WDPCP: variants seen among roughly 807,000 people sequenced by gnomAD.
WDPCP encodes the protein WD repeat-containing and planar cell polarity effector protein fritz homolog.
A neutral mutation model predicts 93.1 loss-of-function variants in WDPCP; 71 were observed. The observed-to-expected ratio is 0.76, with a 90% CI of 0.63 to 0.93. WDPCP has a LOEUF of 0.93. Ranked by LOEUF, WDPCP falls within the 40% of genes least tolerant of loss-of-function variation. The probability of loss-of-function intolerance (pLI) is 0.00; values close to 1 mark genes in which losing one functional copy is unlikely to be tolerated. For missense variants in WDPCP, 844 were observed against 887.4 expected (o/e 0.95, Z 0.62); for synonymous variants, 315 against 315.0 (o/e 1.00, Z 0.00).
intron 12 of WDPCP, among the ~76,000 whole-genome samples, chr2:63,326,907 C>T (rs945053492): frequency 2.0e-5 from 3 of 152,230 alleles, no homozygotes; most frequent in Admixed American, 1.3e-4. Context: ...AAGGTCTTCT[C>T]TGTAACCCTG....
At chr2:63,606,004 C>T in intron 3 of WDPCP, 1 of 1,614,010 alleles carries the variant, frequency 6.2e-7, no homozygotes, top group Non-Finnish European at 8.5e-7. Flanking sequence ...ATGATCTGCT[C>T]TACTCATTCC....
At chr2:63,315,374 T>G (rs1686555395) in intron 12 of WDPCP, among the ~76,000 whole-genome samples, 1 of 152,196 alleles carries the variant, frequency 6.6e-6, no homozygotes, top group South Asian at 2.1e-4. Flanking sequence ...AGACCCAGGT[T>G]AGTAGTGCCC....
intron 13 of WDPCP, among the ~76,000 whole-genome samples, chr2:63,260,223 G>A (rs1681513032): frequency 6.6e-6 from 1 of 152,180 alleles, no homozygotes; most frequent in African/African-American, 2.4e-5. Context: ...TGTTGGATGT[G>A]TGGGAGAAAG....
Position 63,313,835 on chromosome 2 carries a change from C to T in WDPCP, c.1749-524G>A, listed in dbSNP as rs1686372305. On this transcript the variant is annotated intron_variant, in intron 12 of 17. Coordinates refer to ENST00000272321, the MANE Select transcript of WDPCP (RefSeq NM_015910.7). Reference sequence around the variant, plus strand: ...TCCCCATTCCATTGTAACTATCTGGCAATACTAATTATTCATACATATATA... The same window carrying T: ...TCCCCATTCCATTGTAACTATCTGGTAATACTAATTATTCATACATATATA... 5.9e-5 allele frequency among the ~76,000 whole-genome samples: 5 copies of T among 84,618 alleles called. No individual in the cohort carries two copies. In the South Asian group the frequency reaches 2.3e-3, roughly 38 times the overall value. 55.5% of individuals were successfully genotyped at this position (84,618 alleles called of 152,430 possible).
At chr2:63,501,389 C>A (rs1269783240) in intron 1 of WDPCP, among the ~76,000 whole-genome samples, 1 of 152,158 alleles carries the variant, frequency 6.6e-6, no homozygotes, top group East Asian at 1.9e-4. Flanking sequence ...CATAGTCAGA[C>A]CCTGTCTCTA....
At chr2:63,575,428 G>GTGTATACACTGTATATACAGTATATATAC (rs1707923004) in intron 1 of WDPCP, among the ~76,000 whole-genome samples, 7 of 30,072 alleles carry the variant, frequency 2.3e-4, no homozygotes, top group African/African-American at 3.7e-4. Flanking sequence ...ACTGTATACA[G>GTGTATACACTGTATATACAGTATATATAC]TGTATATACA....
intron 13 of WDPCP, among the ~76,000 whole-genome samples, chr2:63,292,520 G>T (rs570900220): frequency 1.7e-4 from 26 of 152,146 alleles, no homozygotes; most frequent in Non-Finnish European, 2.9e-4. Context: ...TCAGAACTGT[G>T]AAAACTCTAG....
intron 11 of WDPCP, 58 bp downstream of exon 11, chr2:63,381,848 A>G (rs1196828798): frequency 1.1e-5 from 17 of 1,579,724 alleles, no homozygotes; most frequent in Middle Eastern, 1.8e-4. Context: ...AAATAACTCA[A>G]TAAAATCTAT....
chr2:63,362,890 G>A (rs1329361208), intron 12 of WDPCP, among the ~76,000 whole-genome samples: 14 of 152,048 alleles, frequency 9.2e-5, no homozygotes, highest in Admixed American at 4.6e-4. Context: ...CATACTTTCT[G>A]CTTCAGTTTC....
At chr2:63,818,242 A>G (rs374088697) in intron 1 of WDPCP, among the ~76,000 whole-genome samples, 1 of 152,248 alleles carries the variant, frequency 6.6e-6, no homozygotes, top group Non-Finnish European at 1.5e-5. Flanking sequence ...TCTTGCAGAC[A>G]TAATTATTAA....
chr2:63,285,348 G>C (rs1428804844), intron 13 of WDPCP, among the ~76,000 whole-genome samples: 1 of 151,744 alleles, frequency 6.6e-6, no homozygotes, highest in Non-Finnish European at 1.5e-5. Flanking sequence ...GCGGGAGAAT[G>C]GTGTGAACTC....
At chr2:63,813,216 C>T (rs1430259481) in intron 2 of WDPCP, among the ~76,000 whole-genome samples, 1 of 151,996 alleles carries the variant, frequency 6.6e-6, no homozygotes, top group African/African-American at 2.4e-5. Context: ...TGGCAATAGC[C>T]CAGGTGAGAA....
At chr2:63,339,710 C>T (rs188126895) in intron 12 of WDPCP, among the ~76,000 whole-genome samples, 1 of 152,066 alleles carries the variant, frequency 6.6e-6, no homozygotes, top group Admixed American at 6.6e-5. Flanking sequence ...TTGCTCTCAC[C>T]AGGAGTTTCC....
intron 17 of WDPCP, among the ~76,000 whole-genome samples, chr2:63,149,961 A>T (rs80001725): frequency 0.044 from 6,712 of 152,160 alleles, 220 homozygotes; most frequent in Non-Finnish European, 0.07. Context: ...TATTCATGCA[A>T]CTGCACTCCA....
intron 2 of WDPCP, among the ~76,000 whole-genome samples, chr2:63,773,980 T>C (rs1051230987): frequency 2.6e-5 from 4 of 152,052 alleles, no homozygotes; most frequent in Non-Finnish European, 1.5e-5. Context: ...TATGGAGACT[T>C]AAAAATATAG....
chr2:63,428,709 G>A (rs1029147615), intron 9 of WDPCP, among the ~76,000 whole-genome samples: 3 of 152,136 alleles, frequency 2.0e-5, no homozygotes, highest in Non-Finnish European at 4.4e-5. Context: ...GTTCAATATA[G>A]TACTGGAAGT....
intron 6 of WDPCP, among the ~76,000 whole-genome samples, chr2:63,455,059 C>A (rs938309179): frequency 6.6e-6 from 1 of 151,998 alleles, no homozygotes; most frequent in African/African-American, 2.4e-5. Context: ...GGAGTCCTAA[C>A]CCTGGAAGTG....
chr2:63,808,320 T>TCCCCTCC (rs1670799653), intron 2 of WDPCP, among the ~76,000 whole-genome samples: 1 of 94,910 alleles, frequency 1.1e-5, no homozygotes, highest in Admixed American at 1.0e-4. Flanking sequence ...CCTCTCCCTC[T>TCCCCTCC]CCCCTCTCCC....
intron 2 of WDPCP, among the ~76,000 whole-genome samples, chr2:63,765,443 G>A (rs1437691443): frequency 6.6e-6 from 1 of 152,148 alleles, no homozygotes; most frequent in Admixed American, 6.5e-5. Context: ...GGACTGTTCT[G>A]CCAGCAAGCA....
Sources: gnomAD v4.1 joint callset for allele counts (sites outside exome capture counted in the v4.1 genomes callset) on GRCh38, gnomAD v4.1.1 for gene constraint, MANE v1.5 for transcripts, NCBI Gene and HGNC (gene_info 2026-07-23, HGNC 2026-07-21) for gene names.